The following EHBP1 variants were observed in gnomAD, a reference collection of about 807,000 sequenced individuals.
EHBP1 encodes the protein EH domain binding protein 1.
A neutral mutation model predicts 144.0 loss-of-function variants in EHBP1; 55 were observed. The ratio of observed to expected loss-of-function variants is 0.38; its 90% confidence interval spans 0.31 to 0.48. EHBP1 has a LOEUF of 0.48. Ranked by LOEUF, EHBP1 falls within the 20% of genes least tolerant of loss-of-function variation. EHBP1 has a pLI of 0.98. For missense variants in EHBP1, 1,200 were observed against 1,364.2 expected (o/e 0.88, Z 1.90); for synonymous variants, 469 against 472.7 (o/e 0.99, Z 0.10).
At chr2:62,711,341 TGTAAA>T (rs2035130459) in intron 2 of EHBP1, among the ~76,000 whole-genome samples, 1 of 152,188 alleles carries the variant, frequency 6.6e-6, no homozygotes, top group Non-Finnish European at 1.5e-5. Flanking sequence ...TTAGATATGA[TGTAAA>T]GTAAGAGACA....
intron 10 of EHBP1, among the ~76,000 whole-genome samples, chr2:62,912,446 G>A (rs2054299184): frequency 6.6e-6 from 1 of 152,112 alleles, no homozygotes. Flanking sequence ...CAGCTACTTG[G>A]GAGGCTGAGG....
In EHBP1 at chr2:62,764,281, C is replaced by G; in HGVS notation, c.178C>G (p.Pro60Ala). 1.3e-6 allele frequency: 2 copies of G among 1,567,554 alleles called. No individual in the cohort carries two copies. The highest frequency in any genetic ancestry group is 1.7e-6 in the Non-Finnish European group (2 of 1,159,670). Residue 60 changes from proline to alanine, a missense_variant, in exon 4 of 23, where the codon CCT becomes GCT. Transcript: ENST00000431489. ...RKSSKAHSWQ[P>A]GIKNPYRGVV... ...ATTCTGGTAGGCACATAGCTGGCAA[C>G]CTGGAATAAAAAATCCCTATCGTGG...
chr2:62,898,060 G>A (rs183131169), intron 10 of EHBP1, among the ~76,000 whole-genome samples: 17 of 152,076 alleles, frequency 1.1e-4, no homozygotes, highest in South Asian at 4.1e-4. Context: ...GGCGGTGAGC[G>A]GAAAGAAACA....
chr2:62,864,714 C>G lies in EHBP1; in HGVS notation c.758-17C>G, dbSNP rs2049905207. The G allele has an allele frequency of 6.3e-7, 1 of 1,591,178 alleles. No individual in the cohort carries two copies. Among genetic ancestry groups the G allele is most frequent in the African/African-American group, 1.4e-5 (1 of 73,544 alleles). ...ATGGTATTCATGTGATTTAATTCATCTGCTATTATTTTATAGAACCTATCA... is the reference window on the plus strand; with the variant it reads ...ATGGTATTCATGTGATTTAATTCATGTGCTATTATTTTATAGAACCTATCA... On this transcript the variant is annotated splice_polypyrimidine_tract_variant and intron_variant, in intron 8 of 22. Transcript: ENST00000431489.
At chr2:62,717,446 A>T (rs1267733815) in intron 2 of EHBP1, among the ~76,000 whole-genome samples, 3 of 152,256 alleles carry the variant, frequency 2.0e-5, no homozygotes, top group African/African-American at 4.8e-5. Flanking sequence ...TTGAATACTC[A>T]ATAGGGATGT....
intron 20 of EHBP1, 53 bp downstream of exon 20, chr2:63,037,687 C>T: frequency 1.9e-6 from 2 of 1,064,516 alleles, no homozygotes; most frequent in Non-Finnish European, 2.8e-6. Flanking sequence ...AAATCTTAGG[C>T]CTCTTGTTAT....
At chr2:62,906,989 T>C (rs1268447862) in intron 10 of EHBP1, among the ~76,000 whole-genome samples, 1 of 152,256 alleles carries the variant, frequency 6.6e-6, no homozygotes, top group Non-Finnish European at 1.5e-5. Flanking sequence ...TTCCTTCTTA[T>C]TACTAAGTAG....
chr2:62,830,897 C>A, intron 6 of EHBP1, 122 bp from the exon 7 acceptor site: 2 of 967,346 alleles, frequency 2.1e-6, no homozygotes, highest in Admixed American at 3.2e-5. Context: ...TCTTGTGCAA[C>A]TGATAAGAAA....
chr2:62,991,006 C>A (rs1328922188), intron 16 of EHBP1, among the ~76,000 whole-genome samples, 166 bp downstream of exon 16: 1 of 151,998 alleles, frequency 6.6e-6, no homozygotes, highest in African/African-American at 2.4e-5. Flanking sequence ...GCCTGCAAGT[C>A]CAGCACTTTG....
chr2:62,995,751 ATAAT>A (rs959763309), intron 18 of EHBP1, among the ~76,000 whole-genome samples: 1 of 152,136 alleles, frequency 6.6e-6, no homozygotes, highest in African/African-American at 2.4e-5. Context: ...AAAGGGAGCC[ATAAT>A]TAATCAGTTT....
chr2:62,904,770 T>G (rs896020365), intron 10 of EHBP1, among the ~76,000 whole-genome samples: 1 of 152,146 alleles, frequency 6.6e-6, no homozygotes, highest in African/African-American at 2.4e-5. Context: ...TTACTCTAAC[T>G]TTTTGTTTTT....
intron 13 of EHBP1, among the ~76,000 whole-genome samples, chr2:62,955,095 A>G (rs955465885): frequency 2.6e-5 from 4 of 152,104 alleles, no homozygotes; most frequent in African/African-American, 9.7e-5. Flanking sequence ...ATCGCCACAG[A>G]TATTTAATAT....
intron 1 of EHBP1, among the ~76,000 whole-genome samples, chr2:62,681,924 G>C (rs189292501): frequency 6.6e-4 from 100 of 152,318 alleles, no homozygotes; most frequent in African/African-American, 2.3e-3. Flanking sequence ...TAGATACTCT[G>C]TTCTGGAAGG....
intron 7 of EHBP1, among the ~76,000 whole-genome samples, chr2:62,839,624 G>A (rs1455071952): frequency 4.7e-5 from 7 of 149,390 alleles, no homozygotes; most frequent in African/African-American, 1.7e-4. Flanking sequence ...TCCTTAAGCT[G>A]ATAAGCAACT....
chr2:62,711,004 C>G (rs949432898), intron 2 of EHBP1, among the ~76,000 whole-genome samples: 4 of 152,074 alleles, frequency 2.6e-5, no homozygotes, highest in Admixed American at 2.6e-4. Flanking sequence ...CAGAAAAAAG[C>G]ATTAATTAGA....
At chr2:62,718,718 G>C (rs995288011) in intron 2 of EHBP1, among the ~76,000 whole-genome samples, 1 of 152,154 alleles carries the variant, frequency 6.6e-6, no homozygotes, top group African/African-American at 2.4e-5. Context: ...AGCAGGTGCT[G>C]GATGACAGTT....
intron 19 of EHBP1, among the ~76,000 whole-genome samples, chr2:63,024,073 C>T (rs546777453): frequency 1.5e-4 from 23 of 152,140 alleles, no homozygotes; most frequent in Admixed American, 7.9e-4. Context: ...CAGCCAGGCG[C>T]GGTGGCTCAC....
intron 5 of EHBP1, among the ~76,000 whole-genome samples, chr2:62,812,611 G>C (rs1450574899): frequency 6.6e-6 from 1 of 152,078 alleles, no homozygotes; most frequent in Admixed American, 6.5e-5. Context: ...AGAAGGTATT[G>C]GGTACTGGAA....
rs370668574 is a variant in EHBP1, at chr2:62,834,926, G to T, written c.634+3768G>T. 4.9e-4 allele frequency among the ~76,000 whole-genome samples: 74 copies of T among 152,254 alleles called. 1 individual carries two copies. The highest frequency in any genetic ancestry group is 1.6e-3 in the African/African-American group (66 of 41,534). Reference sequence around the variant, plus strand: ...CCTGGAAGCAATCTTCCATCTCCACGAAGGGATGACTGTATATGTATCTTT... The same window carrying T: ...CCTGGAAGCAATCTTCCATCTCCACTAAGGGATGACTGTATATGTATCTTT... On this transcript the variant is annotated intron_variant, in intron 7 of 22. Coordinates refer to ENST00000431489, the MANE Select transcript of EHBP1 (RefSeq NM_001142616.3).
Sources: allele counts gnomAD v4.1 joint callset (sites outside exome capture counted in the v4.1 genomes callset), GRCh38; gene constraint gnomAD v4.1.1; transcripts MANE v1.5; gene names NCBI Gene and HGNC (gene_info 2026-07-23, HGNC 2026-07-21).